ROBO1: variants seen among roughly 807,000 people sequenced by gnomAD.
ROBO1 encodes the protein roundabout guidance receptor 1, also known as roundabout homolog 1.
In ROBO1, 149 loss-of-function variants were observed where a neutral mutation model predicts 195.9. The observed-to-expected ratio is 0.76, with a 90% confidence interval of 0.67 to 0.87. The LOEUF is 0.87. ROBO1 is among the 40% of genes least tolerant of loss of function. The probability of loss-of-function intolerance (pLI) is 0.00; values close to 1 mark genes in which losing one functional copy is unlikely to be tolerated. For missense variants in ROBO1, 1,933 were observed against 2,068.3 expected (o/e 0.93, Z 1.27); for synonymous variants, 816 against 733.2 (o/e 1.11, Z -1.82).
intron 9 of ROBO1, among the ~76,000 whole-genome samples, chr3:78,687,092 A>G (rs1446381805): frequency 6.6e-6 from 1 of 152,196 alleles, no homozygotes; most frequent in Non-Finnish European, 1.5e-5. Context: ...CATTTTAGGG[A>G]AAAATGAGTT....
chr3:79,622,015 T>G (rs140027898), intron 1 of ROBO1, among the ~76,000 whole-genome samples: 6 of 152,134 alleles, frequency 3.9e-5, no homozygotes, highest in Admixed American at 6.5e-5. Context: ...GGTATTCATA[T>G]TCTCTCATCA....
At chr3:79,581,790 G>T (rs1943670201) in intron 2 of ROBO1, among the ~76,000 whole-genome samples, 1 of 151,850 alleles carries the variant, frequency 6.6e-6, no homozygotes, top group South Asian at 2.1e-4. Context: ...TAGAATGAAA[G>T]AACTTTAAAA....
intron 2 of ROBO1, among the ~76,000 whole-genome samples, chr3:79,441,567 A>T (rs994710488): frequency 2.6e-5 from 4 of 152,124 alleles, no homozygotes; most frequent in African/African-American, 4.8e-5. Flanking sequence ...CAGCGAGAAA[A>T]TAGAATAAGA....
At chr3:78,933,837 G>C (rs1173142453) in intron 4 of ROBO1, among the ~76,000 whole-genome samples, 2 of 151,918 alleles carry the variant, frequency 1.3e-5, no homozygotes, top group African/African-American at 4.8e-5. Context: ...GTGGACTCAA[G>C]ATTATTTGCA....
At chr3:79,340,038 C>A (rs930147876) in intron 2 of ROBO1, among the ~76,000 whole-genome samples, 7 of 152,170 alleles carry the variant, frequency 4.6e-5, no homozygotes, top group African/African-American at 1.4e-4. Flanking sequence ...GTTGGCCCCA[C>A]CCACTTGGCA....
chr3:78,991,811 G>A (rs959132814), intron 3 of ROBO1, among the ~76,000 whole-genome samples: 6 of 152,126 alleles, frequency 3.9e-5, no homozygotes, highest in Admixed American at 1.3e-4. Flanking sequence ...TGAGATGGAA[G>A]GGCCAAATTT....
intron 21 of ROBO1, among the ~76,000 whole-genome samples, chr3:78,645,815 G>A (rs1706242971): frequency 6.6e-6 from 1 of 152,084 alleles, no homozygotes; most frequent in Non-Finnish European, 1.5e-5. Context: ...TTCTTGGATA[G>A]TATTAGTTAA....
At chr3:79,464,515 A>G (rs954934035) in intron 2 of ROBO1, among the ~76,000 whole-genome samples, 5 of 152,180 alleles carry the variant, frequency 3.3e-5, no homozygotes, top group Admixed American at 6.5e-5. Context: ...CCCTAATGAT[A>G]TTAAACATCT....
chr3:78,607,239 G>T, intron 28 of ROBO1, 198 bp from the exon 29 acceptor site: 2 of 571,718 alleles, frequency 3.5e-6, no homozygotes, highest in South Asian at 2.3e-5. Flanking sequence ...CTGAGACAGG[G>T]TCTTACTCTG....
chr3:78,920,640 T>G (rs1365681029), intron 4 of ROBO1, among the ~76,000 whole-genome samples: 7 of 138,940 alleles, frequency 5.0e-5, no homozygotes, highest in African/African-American at 1.9e-4. Context: ...TTTTTTTTTT[T>G]TTTTTTTTTT....
At chr3:79,708,270 A>C (rs1015168332) in intron 1 of ROBO1, among the ~76,000 whole-genome samples, 1 of 152,150 alleles carries the variant, frequency 6.6e-6, no homozygotes, top group African/African-American at 2.4e-5. Flanking sequence ...ACAGACTGAG[A>C]AGATAACTAT....
intron 3 of ROBO1, among the ~76,000 whole-genome samples, chr3:79,104,550 T>G (rs2079740671): frequency 6.6e-6 from 1 of 151,704 alleles, no homozygotes; most frequent in Admixed American, 6.6e-5. Context: ...TTATTAGTTC[T>G]TATTGAGTTA....
chr3:79,423,032 C>T (rs1456698432), intron 2 of ROBO1, among the ~76,000 whole-genome samples: 2 of 152,074 alleles, frequency 1.3e-5, no homozygotes, highest in Non-Finnish European at 2.9e-5. Flanking sequence ...ATTTACTCTG[C>T]TCAAACGTCT....
intron 2 of ROBO1, among the ~76,000 whole-genome samples, chr3:79,201,546 T>C (rs2081763697): frequency 6.6e-6 from 1 of 151,966 alleles, no homozygotes; most frequent in African/African-American, 2.4e-5. Flanking sequence ...TTTTCAATTT[T>C]ACACAGCGAG....
chr3:78,681,661 T>C (rs1256641678), intron 10 of ROBO1, among the ~76,000 whole-genome samples: 1 of 151,986 alleles, frequency 6.6e-6, no homozygotes, highest in Non-Finnish European at 1.5e-5. Context: ...TCCCAGCACT[T>C]TGGGAGGCCG....
intron 2 of ROBO1, among the ~76,000 whole-genome samples, chr3:79,279,291 A>G (rs1318198206): frequency 6.6e-6 from 1 of 151,988 alleles, no homozygotes; most frequent in Non-Finnish European, 1.5e-5. Flanking sequence ...ACAAACAAAA[A>G]AACAAAAACA....
At chr3:79,425,318 T>C (rs2038402646) in intron 2 of ROBO1, among the ~76,000 whole-genome samples, 1 of 152,140 alleles carries the variant, frequency 6.6e-6, no homozygotes, top group Non-Finnish European at 1.5e-5. Context: ...AATTGGTCTA[T>C]TTAAGAAGCT....
At chr3:79,603,175 A>C (rs932043831) in intron 1 of ROBO1, among the ~76,000 whole-genome samples, 5 of 151,950 alleles carry the variant, frequency 3.3e-5, no homozygotes, top group African/African-American at 1.2e-4. Context: ...TGAAATTAAG[A>C]TGGCCTAAAA....
At chr3:79,763,405 T>C (rs952819355) in intron 1 of ROBO1, among the ~76,000 whole-genome samples, 4 of 152,212 alleles carry the variant, frequency 2.6e-5, no homozygotes, top group African/African-American at 7.2e-5. Context: ...GCAGATGTTA[T>C]TGGAAATTAC....
Sources: allele counts gnomAD v4.1 joint callset (sites outside exome capture counted in the v4.1 genomes callset), GRCh38; gene constraint gnomAD v4.1.1; transcripts MANE v1.5; gene names NCBI Gene and HGNC (gene_info 2026-07-23, HGNC 2026-07-21).